Variants in CCDC7 observed in about 807,000 individuals in gnomAD.
CCDC7 encodes coiled-coil domain-containing protein 7.
CCDC7 carries 183 observed loss-of-function variants against 196.9 expected under a neutral mutation model. That is an observed-to-expected ratio of 0.93 (90% CI 0.82 to 1.05). The LOEUF (loss-of-function observed/expected upper bound fraction) is 1.05, where lower values mean the gene tolerates loss of function less well. Ranked by LOEUF, CCDC7 falls within the 50% of genes least tolerant of loss-of-function variation. CCDC7 has a pLI of 0.00. For synonymous variants in CCDC7, 525 were observed against 484.6 expected, an observed-to-expected ratio of 1.08 and a Z score of -1.10; for missense variants, 1,540 against 1,482.2, an observed-to-expected ratio of 1.04 and a Z score of -0.64.
At chr10:32,757,665 T>G (rs912161901) in intron 28 of CCDC7, among the ~76,000 whole-genome samples, 1 of 152,174 alleles carries the variant, frequency 6.6e-6, no homozygotes, top group Non-Finnish European at 1.5e-5. Flanking sequence ...GATCTAAAAT[T>G]GACACTCTAA....
chr10:32,771,635 C>G (rs1190731880), intron 28 of CCDC7, among the ~76,000 whole-genome samples: 1 of 152,172 alleles, frequency 6.6e-6, no homozygotes, highest in African/African-American at 2.4e-5. Flanking sequence ...ATGACCTGTC[C>G]TCAAGTTTTC....
intron 25 of CCDC7, among the ~76,000 whole-genome samples, chr10:32,720,401 A>G (rs1426207654): frequency 2.0e-5 from 3 of 151,916 alleles, no homozygotes; most frequent in Non-Finnish European, 4.4e-5. Context: ...GGAGTGGAAC[A>G]TCACACACTG....
intron 11 of CCDC7, among the ~76,000 whole-genome samples, chr10:32,519,883 G>C (rs1460592934): frequency 6.6e-6 from 1 of 151,868 alleles, no homozygotes; most frequent in Non-Finnish European, 1.5e-5. Context: ...CACACTCCAA[G>C]CCTCTGGTAA....
exon 13 of CCDC7, chr10:32,544,293 C>A (rs575329997): frequency 2.5e-6 from 4 of 1,609,542 alleles, no homozygotes; most frequent in Non-Finnish European, 3.4e-6. Context: ...AGATTTGGAT[C>A]AAGTACAGGT....
At chr10:32,668,954 A>G (rs2073445460) in intron 21 of CCDC7, among the ~76,000 whole-genome samples, 1 of 152,106 alleles carries the variant, frequency 6.6e-6, no homozygotes, top group Non-Finnish European at 1.5e-5. Flanking sequence ...TGGTAAGAAT[A>G]AGCATCCTTG....
chr10:32,864,104 CA>C (rs887594178), intron 41 of CCDC7, among the ~76,000 whole-genome samples: 1 of 151,002 alleles, frequency 6.6e-6, no homozygotes, highest in African/African-American at 2.4e-5. Context: ...TTAAAATGGG[CA>C]AAAAATCTAA....
intron 18 of CCDC7, among the ~76,000 whole-genome samples, chr10:32,589,374 C>T (rs543685794): frequency 1.2e-4 from 18 of 152,138 alleles, no homozygotes; most frequent in African/African-American, 3.9e-4. Flanking sequence ...GTATATGTAC[C>T]AAATTTTCTT....
intron 20 of CCDC7, among the ~76,000 whole-genome samples, chr10:32,635,596 G>T (rs2065498396): frequency 6.6e-6 from 1 of 151,998 alleles, no homozygotes. Flanking sequence ...ACCAGCCTGG[G>T]CAATGAAGTG....
intron 13 of CCDC7, among the ~76,000 whole-genome samples, chr10:32,562,183 C>T (rs1373809736): frequency 6.6e-6 from 1 of 152,054 alleles, no homozygotes; most frequent in Non-Finnish European, 1.5e-5. Context: ...AAAAAGAGTC[C>T]AGGACCAGAT....
At chr10:32,667,833 G>A (rs1377215736) in intron 21 of CCDC7, among the ~76,000 whole-genome samples, 4 of 152,092 alleles carry the variant, frequency 2.6e-5, no homozygotes, top group African/African-American at 9.7e-5. Flanking sequence ...TTTGGCTTAG[G>A]ATTGACTTGG....
chr10:32,500,547 C>T (rs1348296326), intron 9 of CCDC7, among the ~76,000 whole-genome samples: 2 of 151,052 alleles, frequency 1.3e-5, no homozygotes, highest in African/African-American at 4.9e-5. Flanking sequence ...GGAAGAGGTG[C>T]TCCTCACTTC....
intron 18 of CCDC7, among the ~76,000 whole-genome samples, chr10:32,596,616 C>G (rs2060388878): frequency 6.6e-6 from 1 of 152,216 alleles, no homozygotes; most frequent in South Asian, 2.1e-4. Context: ...GATGCAGCTT[C>G]TTCCTAGCCT....
chr10:32,548,538 G>A (rs1424545775), intron 13 of CCDC7, among the ~76,000 whole-genome samples: 3 of 152,166 alleles, frequency 2.0e-5, no homozygotes, highest in Admixed American at 6.5e-5. Context: ...CAAAGAACAC[G>A]GGAGCTGAAC....
intron 11 of CCDC7, among the ~76,000 whole-genome samples, chr10:32,526,126 C>G (rs1010315480): frequency 3.9e-5 from 6 of 152,230 alleles, no homozygotes; most frequent in Non-Finnish European, 7.3e-5. Flanking sequence ...GGAACTCAAC[C>G]CATGATACAA....
At position 32,598,952 on chromosome 10, in the gene CCDC7, C is replaced by T. The variant is rs550336282; in HGVS notation, c.1801+14648C>T. Among the ~76,000 whole-genome samples, 3 of 152,190 alleles carry T rather than the reference C, an allele frequency of 2.0e-5. No individual in the cohort carries two copies. The East Asian group carries it at 5.8e-4, about 29-fold the overall frequency. On this transcript the variant is annotated intron_variant, in intron 18 of 41. Transcript: ENST00000639629. The stretch of plus-strand genomic sequence containing the variant: ...AGTTGGGCTATCATGTTGTTCAAGT[C>T]AAATATTTACTAACTGCTCTTCTCT...
chr10:32,530,874 A>G (rs575634677), intron 11 of CCDC7, among the ~76,000 whole-genome samples: 3 of 152,230 alleles, frequency 2.0e-5, no homozygotes, highest in African/African-American at 7.2e-5. Context: ...TTCCCCATTC[A>G]GTATAATGTT....
intron 25 of CCDC7, among the ~76,000 whole-genome samples, 199 bp downstream of exon 26, chr10:32,711,929 C>T (rs1207946927): frequency 6.6e-6 from 1 of 152,078 alleles, no homozygotes; most frequent in Non-Finnish European, 1.5e-5. Context: ...AATATTATTA[C>T]ACAACTTAAT....
At chr10:32,641,928 G>C (rs1001997263) in intron 20 of CCDC7, among the ~76,000 whole-genome samples, 3 of 152,196 alleles carry the variant, frequency 2.0e-5, no homozygotes, top group Non-Finnish European at 2.9e-5. Context: ...TCCAGACCCT[G>C]TTTGCCTGGG....
Position 32,726,837 on chromosome 10 carries a change from G to A in CCDC7, c.2668+5G>A. 1 of 1,517,110 alleles carries A rather than the reference G, an allele frequency of 6.6e-7. No homozygotes were observed. Among genetic ancestry groups the A allele is most frequent in the Non-Finnish European group, 9.0e-7 (1 of 1,107,060 alleles). 94.0% of individuals were successfully genotyped at this position (1,517,110 alleles called of 1,614,324 possible). ...CTGGAAGGGAAAGGCGTAATAGTAAGTGTAGTAATTATAGATGACTTTAAA... is the reference window on the plus strand; with the variant it reads ...CTGGAAGGGAAAGGCGTAATAGTAAATGTAGTAATTATAGATGACTTTAAA... On this transcript the variant is annotated splice_donor_5th_base_variant and intron_variant, in intron 26 of 41. Transcript: ENST00000639629.
Sources: allele counts gnomAD v4.1 joint callset (sites outside exome capture counted in the v4.1 genomes callset), GRCh38; gene constraint gnomAD v4.1.1; transcripts MANE v1.5; gene names NCBI Gene and HGNC (gene_info 2026-07-23, HGNC 2026-07-21).